Variants in FGF14 observed in about 807,000 individuals in gnomAD.
FGF14 encodes fibroblast growth factor 14, also known as fibroblast growth factor homologous factor 4.
In FGF14, 5 loss-of-function variants were observed where a neutral mutation model predicts 25.5. The observed-to-expected ratio is 0.20, with a 90% confidence interval of 0.10 to 0.41. The LOEUF is 0.41. Among genes scored for constraint, FGF14 ranks in the 10% least tolerant of loss-of-function variants. The pLI is 1.00. For missense variants in FGF14, 222 were observed against 320.1 expected, an observed-to-expected ratio of 0.69 and a Z score of 2.34; for synonymous variants, 138 against 118.3, an observed-to-expected ratio of 1.17 and a Z score of -1.08.
chr13:101,990,355 G>C (rs1438234468), intron 1 of FGF14, among the ~76,000 whole-genome samples: 1 of 152,086 alleles, frequency 6.6e-6, no homozygotes, highest in Admixed American at 6.6e-5. Context: ...CTTTGAATTA[G>C]AATTTAGTGG....
intron 3 of FGF14, among the ~76,000 whole-genome samples, chr13:101,849,218 G>A (rs2043620473): frequency 6.6e-6 from 1 of 151,982 alleles, no homozygotes; most frequent in African/African-American, 2.4e-5. Flanking sequence ...GCTGACTCCT[G>A]ACATATGTTC....
intron 1 of FGF14, among the ~76,000 whole-genome samples, chr13:102,108,002 A>G (rs984052774): frequency 1.3e-5 from 2 of 152,230 alleles, no homozygotes; most frequent in East Asian, 1.9e-4. Context: ...ATGTGAATAT[A>G]TTTTACAGCA....
chr13:102,057,061 G>A (rs2140085173), intron 1 of FGF14, among the ~76,000 whole-genome samples: 1 of 151,722 alleles, frequency 6.6e-6, no homozygotes, highest in Admixed American at 6.6e-5. Context: ...AATAAAATAT[G>A]GTTTATGTGA....
chr13:102,019,014 A>G (rs1272774863), intron 1 of FGF14, among the ~76,000 whole-genome samples: 1 of 152,148 alleles, frequency 6.6e-6, no homozygotes, highest in East Asian at 1.9e-4. Context: ...GCACTTCCTT[A>G]TCTATCAGTC....
chr13:102,151,593 G>A (rs1231899332), intron 1 of FGF14, among the ~76,000 whole-genome samples: 1 of 152,014 alleles, frequency 6.6e-6, no homozygotes, highest in Admixed American at 6.6e-5. Context: ...CCTCCTCCTG[G>A]GTTCAAGTGA....
intron 1 of FGF14, among the ~76,000 whole-genome samples, chr13:102,021,195 G>A (rs938430314): frequency 5.9e-5 from 9 of 152,054 alleles, no homozygotes; most frequent in Admixed American, 1.3e-4. Flanking sequence ...TAAGAAGACA[G>A]CAAGTCTGGT....
At chr13:101,857,135 T>G (rs2044167139) in intron 3 of FGF14, among the ~76,000 whole-genome samples, 1 of 152,094 alleles carries the variant, frequency 6.6e-6, no homozygotes, top group African/African-American at 2.4e-5. Context: ...ATTGGGTTAG[T>G]ACCATTAGAC....
intron 1 of FGF14, among the ~76,000 whole-genome samples, chr13:102,000,034 T>C (rs1446306724): frequency 6.6e-6 from 1 of 152,084 alleles, no homozygotes; most frequent in Non-Finnish European, 1.5e-5. Flanking sequence ...AACTCATGTT[T>C]GCCGGGCGCG....
intron 3 of FGF14, among the ~76,000 whole-genome samples, chr13:101,820,096 C>T (rs1424782142): frequency 6.6e-6 from 1 of 152,088 alleles, no homozygotes; most frequent in African/African-American, 2.4e-5. Flanking sequence ...AAGGGACAAG[C>T]CTATGGGACT....
intron 1 of FGF14, among the ~76,000 whole-genome samples, chr13:102,145,104 A>G (rs1254151454): frequency 2.0e-5 from 3 of 152,138 alleles, no homozygotes; most frequent in Non-Finnish European, 2.9e-5. Context: ...TCTTTCTTCA[A>G]TTTTAACAGA....
chr13:101,718,040 T>A lies in FGF14; in HGVS notation c.*4791A>T, dbSNP rs1355756539. ...ATCATACCATAAAAAGTTCAAAATG[T>A]GATTCATCTAAAATTTTGGACAAAG... On this transcript the variant is annotated 3_prime_UTR_variant, in exon 5 of 5. Coordinates refer to ENST00000376143, the MANE Select transcript of FGF14 (RefSeq NM_004115.4). 6.6e-6 allele frequency: 1 copy of A among 152,144 alleles called. No individual in the cohort carries two copies. Among genetic ancestry groups the A allele is most frequent in the Non-Finnish European group, 1.5e-5 (1 of 68,012 alleles). The allele number at this position is 152,144 out of a possible 1,614,324, so 9.4% of individuals were successfully genotyped here.
intron 3 of FGF14, among the ~76,000 whole-genome samples, chr13:101,744,804 C>T (rs1325416259): frequency 3.3e-5 from 5 of 152,052 alleles, no homozygotes; most frequent in African/African-American, 4.8e-5. Context: ...TTAACACATG[C>T]GTGTATGTTC....
intron 3 of FGF14, among the ~76,000 whole-genome samples, chr13:101,791,735 A>G (rs2040246648): frequency 6.6e-6 from 1 of 152,112 alleles, no homozygotes; most frequent in Admixed American, 6.6e-5. Flanking sequence ...TCTTCTGACC[A>G]ACTTTGAGTA....
At chr13:101,939,550 A>G (rs181094931) in intron 1 of FGF14, among the ~76,000 whole-genome samples, 45 of 152,340 alleles carry the variant, frequency 3.0e-4, no homozygotes, top group African/African-American at 1.0e-3. Context: ...AGGAAGCCCC[A>G]GGGTGTTGGG....
intron 1 of FGF14, among the ~76,000 whole-genome samples, chr13:102,353,554 CGCTGTAATTCAA>C (rs1455441923): frequency 3.9e-5 from 6 of 152,188 alleles, no homozygotes; most frequent in African/African-American, 1.4e-4. Context: ...GGTACAATCA[CGCTGTAATTCAA>C]GCTTCCTTTT....
chr13:102,391,197 C>T (rs1389935439), intron 1 of FGF14, among the ~76,000 whole-genome samples: 3 of 152,018 alleles, frequency 2.0e-5, no homozygotes, highest in African/African-American at 7.3e-5. Flanking sequence ...AATCTAGAAT[C>T]GGATAGTACA....
chr13:101,774,884 C>G (rs920696624), intron 3 of FGF14, among the ~76,000 whole-genome samples: 1 of 150,102 alleles, frequency 6.7e-6, no homozygotes, highest in Admixed American at 6.7e-5. Context: ...GAAACCGTGT[C>G]TCTACTAAAA....
intron 1 of FGF14, among the ~76,000 whole-genome samples, chr13:102,343,675 C>G (rs2057020444): frequency 6.6e-6 from 1 of 152,172 alleles, no homozygotes; most frequent in Admixed American, 6.5e-5. Flanking sequence ...TCTACGAATT[C>G]TATGGGTCAA....
At position 101,916,769 on chromosome 13, in the gene FGF14, G is replaced by A. The variant is rs2033553004; in HGVS notation, c.-124C>T. On this transcript the variant is annotated 5_prime_UTR_variant, in exon 1 of 5. Coordinates refer to ENST00000376143, the MANE Select transcript of FGF14 (RefSeq NM_004115.4). ...CGGGGCAGAGGAGGGGGTGCCAGGC[G>A]GGACTGGGGAGAGGGGAAGGGGGGC... 6 of 817,972 alleles carry A rather than the reference G, an allele frequency of 7.3e-6. No homozygotes were observed. The highest frequency in any genetic ancestry group is 5.6e-5 in the South Asian group (3 of 53,540). 50.7% of individuals were successfully genotyped at this position (817,972 alleles called of 1,614,324 possible). A position where few individuals can be genotyped will look rare whatever the true frequency, so the allele number is the denominator to read the frequency against.
Sources: allele counts gnomAD v4.1 joint callset (sites outside exome capture counted in the v4.1 genomes callset), GRCh38; gene constraint gnomAD v4.1.1; transcripts MANE v1.5; gene names NCBI Gene and HGNC (gene_info 2026-07-23, HGNC 2026-07-21).